Variants in ZCCHC7 observed in about 807,000 individuals in gnomAD.
ZCCHC7 encodes the protein zinc finger CCHC domain-containing protein 7.
Under a neutral mutation model 52.0 loss-of-function variants are expected in ZCCHC7, and 35 were observed. The ratio of observed to expected loss-of-function variants is 0.67; its 90% CI spans 0.51 to 0.89. The LOEUF (loss-of-function observed/expected upper bound fraction) is 0.89, where lower values mean the gene tolerates loss of function less well. Among genes scored for constraint, ZCCHC7 ranks in the 40% least tolerant of loss-of-function variants. The pLI, the probability that ZCCHC7 is intolerant of heterozygous loss-of-function variation, is 0.00. For missense variants in ZCCHC7, 574 were observed against 649.1 expected, an observed-to-expected ratio of 0.88 and a Z score of 1.26; for synonymous variants, 217 against 221.5, an observed-to-expected ratio of 0.98 and a Z score of 0.18.
At chr9:37,236,989 G>A (rs1825683698) in intron 2 of ZCCHC7, among the ~76,000 whole-genome samples, 3 of 152,088 alleles carry the variant, frequency 2.0e-5, no homozygotes, top group African/African-American at 7.2e-5. Context: ...GAAGTTTCCC[G>A]TAGGTCCTAT....
intron 2 of ZCCHC7, among the ~76,000 whole-genome samples, chr9:37,158,730 C>T (rs1465873094): frequency 1.3e-5 from 2 of 151,910 alleles, no homozygotes; most frequent in African/African-American, 4.8e-5. Flanking sequence ...ATCTTATTCT[C>T]CTTAGAATCC....
intron 2 of ZCCHC7, among the ~76,000 whole-genome samples, chr9:37,191,898 A>G (rs1295821984): frequency 1.3e-5 from 2 of 152,204 alleles, no homozygotes; most frequent in Non-Finnish European, 1.5e-5. Flanking sequence ...GTGAAAATGC[A>G]TTTGCATTGT....
chr9:37,347,002 A>T (rs1821021111), intron 6 of ZCCHC7, among the ~76,000 whole-genome samples: 2 of 152,140 alleles, frequency 1.3e-5, no homozygotes, highest in African/African-American at 4.8e-5. Context: ...TCCAAAAAAA[A>T]AATTAGTTGG....
chr9:37,224,540 A>G (rs767176780), intron 2 of ZCCHC7, among the ~76,000 whole-genome samples: 1 of 152,230 alleles, frequency 6.6e-6, no homozygotes, highest in Non-Finnish European at 1.5e-5. Context: ...AATAACCAGT[A>G]TAGGACACTA....
At chr9:37,182,469 A>G (rs749347345) in intron 2 of ZCCHC7, among the ~76,000 whole-genome samples, 6 of 151,524 alleles carry the variant, frequency 4.0e-5, no homozygotes, top group Non-Finnish European at 7.4e-5. Flanking sequence ...GGTTCAAGCC[A>G]TTCTCTTGCC....
chr9:37,287,231 A>C (rs886635822), intron 2 of ZCCHC7, among the ~76,000 whole-genome samples: 1 of 149,914 alleles, frequency 6.7e-6, no homozygotes, highest in African/African-American at 2.5e-5. Flanking sequence ...GTTAGTGGGG[A>C]TTTGAACATT....
At chr9:37,213,630 C>G (rs528039544) in intron 2 of ZCCHC7, among the ~76,000 whole-genome samples, 1 of 152,130 alleles carries the variant, frequency 6.6e-6, no homozygotes, top group African/African-American at 2.4e-5. Flanking sequence ...ATTCATTGAT[C>G]TGCAAGGCAG....
At chr9:37,158,008 A>G (rs1820905841) in intron 2 of ZCCHC7, among the ~76,000 whole-genome samples, 1 of 152,254 alleles carries the variant, frequency 6.6e-6, no homozygotes, top group South Asian at 2.1e-4. Context: ...ACGTTAGAGT[A>G]TATACAGAAT....
chr9:37,310,549 C>A (rs1829539846), intron 5 of ZCCHC7, among the ~76,000 whole-genome samples: 1 of 152,092 alleles, frequency 6.6e-6, no homozygotes, highest in South Asian at 2.1e-4. Flanking sequence ...ATTTTACAAA[C>A]TGAAAACTGA....
chr9:37,185,469 G>T (rs1377405583), intron 2 of ZCCHC7, among the ~76,000 whole-genome samples: 1 of 152,212 alleles, frequency 6.6e-6, no homozygotes. Context: ...GTTTCTGAGG[G>T]CTGCTGTAAC....
In ZCCHC7 at chr9:37,249,456, C is replaced by CTTTTTTTTTTTTTTTT. The variant is rs60166399; in HGVS notation, c.611-52727_611-52712dup. ...TTGTACTTATATTTTCTTCTTCTTC[C>CTTTTTTTTTTTTTTTT]TTTTTTTTTTTTTTTTTTTTATTTG... is the stretch of plus-strand genomic sequence containing the variant. On this transcript the variant is annotated intron_variant, in intron 2 of 8. Coordinates refer to ENST00000336755, the MANE Select transcript of ZCCHC7 (RefSeq NM_032226.3). Among the ~76,000 whole-genome samples the CTTTTTTTTTTTTTTTT allele has an allele frequency of 8.5e-4, 94 of 111,242 alleles. 1 individual carries two copies. The highest frequency in any genetic ancestry group is 1.1e-3 in the Non-Finnish European group (61 of 57,416). The allele number at this position is 111,242 out of a possible 152,430, so 73.0% of individuals were successfully genotyped here. A position where few individuals can be genotyped will look rare whatever the true frequency, so the allele number is the denominator to read the frequency against.
At chr9:37,274,334 T>G (rs1396941199) in intron 2 of ZCCHC7, among the ~76,000 whole-genome samples, 1 of 92,556 alleles carries the variant, frequency 1.1e-5, no homozygotes, top group Non-Finnish European at 2.5e-5. Flanking sequence ...CTAATTTCTT[T>G]TTTTTTTTTT....
intron 2 of ZCCHC7, among the ~76,000 whole-genome samples, chr9:37,292,680 T>C (rs2133638781): frequency 6.6e-6 from 1 of 152,276 alleles, no homozygotes; most frequent in Non-Finnish European, 1.5e-5. Flanking sequence ...GCAAGAGGTG[T>C]AAGTGGTTGC....
intron 5 of ZCCHC7, among the ~76,000 whole-genome samples, chr9:37,322,656 T>G (rs2058586803): frequency 1.3e-5 from 2 of 149,948 alleles, no homozygotes; most frequent in Admixed American, 1.3e-4. Flanking sequence ...ATAGGTACAT[T>G]GCACATACTA....
intron 5 of ZCCHC7, among the ~76,000 whole-genome samples, chr9:37,323,902 A>G (rs1253366600): frequency 6.6e-6 from 1 of 152,142 alleles, no homozygotes. Context: ...TGGTAGCTAT[A>G]AGTCTATGAA....
chr9:37,243,908 A>G (rs988827789), intron 2 of ZCCHC7, among the ~76,000 whole-genome samples: 2 of 151,864 alleles, frequency 1.3e-5, no homozygotes, highest in Non-Finnish European at 2.9e-5. Context: ...TAGTAGTAAC[A>G]ATTTGCTGTA....
intron 2 of ZCCHC7, among the ~76,000 whole-genome samples, chr9:37,293,362 A>G (rs1166866523): frequency 6.6e-6 from 1 of 152,218 alleles, no homozygotes; most frequent in Non-Finnish European, 1.5e-5. Flanking sequence ...AAATGTTAAA[A>G]GAAATAATAG....
intron 2 of ZCCHC7, among the ~76,000 whole-genome samples, chr9:37,228,471 C>A (rs755753983): frequency 1.9e-4 from 29 of 151,894 alleles, no homozygotes; most frequent in African/African-American, 7.0e-4. Context: ...CAGCCTCGAA[C>A]TCCTAGGCTC....
chr9:37,302,100 T>G, intron 2 of ZCCHC7, 88 bp from the exon 3 acceptor site: 2 of 1,079,976 alleles, frequency 1.9e-6, no homozygotes, highest in Non-Finnish European at 2.8e-6. Flanking sequence ...GGGGTCCAAT[T>G]TGAGTACTCA....
Sources: allele counts gnomAD v4.1 joint callset (sites outside exome capture counted in the v4.1 genomes callset), GRCh38; gene constraint gnomAD v4.1.1; transcripts MANE v1.5; gene names NCBI Gene and HGNC (gene_info 2026-07-23, HGNC 2026-07-21).